Variants in SLC24A3 observed in about 807,000 individuals in gnomAD.
SLC24A3 encodes sodium/potassium/calcium exchanger 3.
In SLC24A3, 28 loss-of-function variants were observed where a neutral mutation model predicts 75.8. That is an observed-to-expected ratio of 0.37 (90% CI 0.27 to 0.51). The LOEUF is 0.51. Among genes scored for constraint, SLC24A3 ranks in the 20% least tolerant of loss-of-function variants. SLC24A3 has a pLI of 0.94. For synonymous variants in SLC24A3, 372 were observed against 334.1 expected (o/e 1.11, Z -1.24); for missense variants, 663 against 847.8 (o/e 0.78, Z 2.71).
At chr20:19,569,623 G>C (rs1335423007) in intron 3 of SLC24A3, among the ~76,000 whole-genome samples, 2 of 152,196 alleles carry the variant, frequency 1.3e-5, no homozygotes, top group Non-Finnish European at 2.9e-5. Context: ...ATGGGAAGCT[G>C]TGACAGGAGA....
At chr20:19,321,000 A>G (rs1017346420) in intron 2 of SLC24A3, among the ~76,000 whole-genome samples, 2 of 152,236 alleles carry the variant, frequency 1.3e-5, no homozygotes, top group Middle Eastern at 3.4e-3. Flanking sequence ...ACATACATAC[A>G]TATGCATGTA....
Position 19,654,188 on chromosome 20 carries a change from G to T in SLC24A3, c.687+52G>T, listed in dbSNP as rs368254277. On this transcript the variant is annotated intron_variant, in intron 7 of 16. Transcript: ENST00000328041. Reference sequence around the variant, plus strand: ...CCATCAGTGCTCTTTTAAGCACCAGGGGTGGTGTGAGGCTCCTCCACATGG... The same window carrying T: ...CCATCAGTGCTCTTTTAAGCACCAGTGGTGGTGTGAGGCTCCTCCACATGG... 6.5e-5 allele frequency: 101 copies of T among 1,560,052 alleles called. 1 individual carries two copies. Among genetic ancestry groups the T allele is most frequent in the Non-Finnish European group, 8.6e-5 (98 of 1,133,618 alleles).
At chr20:19,412,803 T>C (rs1485930766) in intron 2 of SLC24A3, among the ~76,000 whole-genome samples, 1 of 152,194 alleles carries the variant, frequency 6.6e-6, no homozygotes, top group Non-Finnish European at 1.5e-5. Context: ...ACTTCATTTG[T>C]GCAGTAACAG....
At chr20:19,417,304 C>T (rs1986843735) in intron 2 of SLC24A3, among the ~76,000 whole-genome samples, 1 of 152,168 alleles carries the variant, frequency 6.6e-6, no homozygotes, top group Admixed American at 6.5e-5. Context: ...AAACATAGTG[C>T]ATTATATATG....
chr20:19,599,340 C>T (rs953102215), intron 6 of SLC24A3, among the ~76,000 whole-genome samples: 5 of 152,128 alleles, frequency 3.3e-5, no homozygotes, highest in African/African-American at 1.2e-4. Context: ...CTTGCGGTCC[C>T]TCCCGCGCAC....
intron 7 of SLC24A3, among the ~76,000 whole-genome samples, chr20:19,663,233 A>G (rs113636031): frequency 0.058 from 8,841 of 151,534 alleles, 293 homozygotes; most frequent in Middle Eastern, 0.12. Context: ...GTGCCAAGCC[A>G]ATTTAGATTT....
Position 19,515,550 on chromosome 20 carries a change from C to T in SLC24A3, c.334C>T (p.Leu112Phe), listed in dbSNP as rs761120407. The change falls in exon 3 of 17, where the codon CTC becomes TTC. Residue 112 changes from leucine to phenylalanine, a missense_variant. This residue lies in a region of SLC24A3 where 510 missense variants were observed against 703.6 expected (regional missense o/e 0.72). Transcript: ENST00000328041. ...GGATAGAAGACAAGGTGCGGTGGTC[C>T]TCCATGTGCTCTGTGTAAGTACCCC... Reference protein sequence around the residue: ...NEDRRQGAVVLHVLCAIYMFY... With the variant: ...NEDRRQGAVVFHVLCAIYMFY... The T allele has an allele frequency of 1.3e-5, 21 of 1,613,994 alleles. No homozygotes were observed. Among genetic ancestry groups the T allele is most frequent in the African/African-American group, 2.7e-5 (2 of 74,904 alleles).
intron 2 of SLC24A3, among the ~76,000 whole-genome samples, chr20:19,419,451 G>A (rs184223366): frequency 5.9e-4 from 90 of 152,234 alleles, no homozygotes; most frequent in South Asian, 4.1e-3. Flanking sequence ...AAGGACCGGG[G>A]ATCTGGTATA....
At chr20:19,595,618 A>C (rs920781567) in intron 6 of SLC24A3, among the ~76,000 whole-genome samples, 1 of 152,218 alleles carries the variant, frequency 6.6e-6, no homozygotes, top group African/African-American at 2.4e-5. Context: ...GTGGACTTCC[A>C]TTCACTGCTT....
At chr20:19,403,523 C>T (rs1363168115) in intron 2 of SLC24A3, among the ~76,000 whole-genome samples, 1 of 152,096 alleles carries the variant, frequency 6.6e-6, no homozygotes, top group Admixed American at 6.5e-5. Flanking sequence ...GACCTCTGAC[C>T]AATAATCACA....
At chr20:19,537,295 A>G (rs927608459) in intron 3 of SLC24A3, among the ~76,000 whole-genome samples, 1 of 152,280 alleles carries the variant, frequency 6.6e-6, no homozygotes, top group Non-Finnish European at 1.5e-5. Context: ...ATCACCGGCC[A>G]TCAGAGAAAT....
chr20:19,546,182 A>AAAAAC (rs2030591288), intron 3 of SLC24A3, among the ~76,000 whole-genome samples: 1 of 140,228 alleles, frequency 7.1e-6, no homozygotes, highest in Non-Finnish European at 1.6e-5. Flanking sequence ...AAAAAAAAAA[A>AAAAAC]AAAAAACCAG....
At chr20:19,528,273 T>C (rs1337803126) in intron 3 of SLC24A3, among the ~76,000 whole-genome samples, 2 of 152,156 alleles carry the variant, frequency 1.3e-5, no homozygotes, top group Non-Finnish European at 2.9e-5. Flanking sequence ...AAAGTGCTGG[T>C]TCAGGGGACA....
intron 2 of SLC24A3, among the ~76,000 whole-genome samples, chr20:19,379,189 G>C (rs1049969745): frequency 3.9e-5 from 6 of 152,152 alleles, no homozygotes; most frequent in African/African-American, 1.4e-4. Context: ...TGGGCATCTT[G>C]GGTGAGAATT....
At chr20:19,515,730 G>A (rs193143485) in intron 3 of SLC24A3, among the ~76,000 whole-genome samples, 166 bp downstream of exon 3, 9 of 152,304 alleles carry the variant, frequency 5.9e-5, no homozygotes, top group Admixed American at 5.2e-4. Context: ...AAATGGAGAT[G>A]AAAGACCACA....
At chr20:19,605,259 A>G (rs1351268726) in intron 6 of SLC24A3, among the ~76,000 whole-genome samples, 4 of 152,212 alleles carry the variant, frequency 2.6e-5, no homozygotes, top group Non-Finnish European at 5.9e-5. Flanking sequence ...ATCATCACAC[A>G]GTTTAACCAC....
At chr20:19,313,082 G>A (rs1984500326) in intron 2 of SLC24A3, among the ~76,000 whole-genome samples, 1 of 124,458 alleles carries the variant, frequency 8.0e-6, no homozygotes, top group Non-Finnish European at 1.6e-5. Context: ...TGTCACCCAG[G>A]CTTGAGTGCA....
chr20:19,327,958 G>A (rs1641274581), intron 2 of SLC24A3, among the ~76,000 whole-genome samples: 1 of 151,890 alleles, frequency 6.6e-6, no homozygotes, highest in African/African-American at 2.4e-5. Flanking sequence ...ACAAATAAAT[G>A]TAAAGTATGC....
chr20:19,586,734 C>T (rs117150759), intron 6 of SLC24A3, among the ~76,000 whole-genome samples: 1,702 of 152,262 alleles, frequency 0.011, 17 homozygotes, highest in Middle Eastern at 0.024. Context: ...TCAGGTGACA[C>T]GCAGAGGGAC....
Sources: allele counts gnomAD v4.1 joint callset (sites outside exome capture counted in the v4.1 genomes callset), GRCh38; gene constraint gnomAD v4.1.1; regional missense constraint gnomAD v4.1.1; transcripts MANE v1.5; gene names NCBI Gene and HGNC (gene_info 2026-07-23, HGNC 2026-07-21).